PLK3: variants seen among roughly 807,000 people sequenced by gnomAD.
PLK3 encodes the protein polo like kinase 3.
PLK3 carries 41 observed loss-of-function variants against 71.6 expected under a neutral mutation model. The ratio of observed to expected loss-of-function variants is 0.57; its 90% confidence interval spans 0.45 to 0.74. The LOEUF (loss-of-function observed/expected upper bound fraction) is 0.74, where lower values mean the gene tolerates loss of function less well. Among genes scored for constraint, PLK3 ranks in the 30% least tolerant of loss-of-function variants. PLK3 has a pLI of 0.00. For missense variants in PLK3, 791 were observed against 875.6 expected (o/e 0.90, Z 1.22); for synonymous variants, 366 against 355.4 (o/e 1.03, Z -0.33).
Position 44,803,820 on chromosome 1 carries a change from C to T in PLK3, c.1165-111C>T. On this transcript the variant is annotated intron_variant, in intron 9 of 14. Transcript: ENST00000372201. The surrounding 1 kb of genome is among the most constrained non-coding windows in gnomAD (Gnocchi z 4.3). ...GCCTAATTGGCTGTGTGTCACCAGC[C>T]TGGCGGGGCTGACCTGGGGTGCCCT... 1.8e-6 allele frequency: 2 copies of T among 1,124,056 alleles called. No individual in the cohort carries two copies. Among genetic ancestry groups the T allele is most frequent in the Non-Finnish European group, 2.6e-6 (2 of 762,930 alleles). 69.6% of individuals were successfully genotyped at this position (1,124,056 alleles called of 1,614,324 possible).
In PLK3 at chr1:44,801,675, C is replaced by T. The variant is rs1362005001; in HGVS notation, c.489C>T (p.Arg163=). ...ACACCCTGTTGGAGCCAGAAGTGCG[C>T]TACTACCTGCGGCAGATCCTTTCTG... ...ARHTLLEPEV[R]YYLRQILSGL... Residue 163 remains arginine (R), a synonymous_variant, in exon 4 of 15, where the codon CGC becomes CGT. Transcript: ENST00000372201. 3 of 1,613,722 alleles carry T rather than the reference C, an allele frequency of 1.9e-6. No individual in the cohort carries two copies. The Admixed American group carries it at 5.0e-5, about 27-fold the overall frequency.
intron 13 of PLK3, 42 bp from the exon 14 acceptor site, chr1:44,805,224 G>C (rs896749816): frequency 2.1e-5 from 28 of 1,331,910 alleles, no homozygotes; most frequent in Admixed American, 5.0e-5. Context: ...GGAGGGGGCT[G>C]TCTCACGCTG....
rs758282351 is a variant in PLK3 at position 44,801,856 on chromosome 1, A to G, written c.577A>G (p.Ile193Val). The change falls in exon 5 of 15, where the codon ATC becomes GTC. Residue 193 changes from isoleucine to valine, a missense_variant. Coordinates refer to ENST00000372201, the MANE Select transcript of PLK3 (RefSeq NM_004073.4). ...CTTGCCCCATCTAGGAAATTTTTTCATCACTGAGAACATGGAACTGAAGGT... is the reference window on the plus strand; with the variant it reads ...CTTGCCCCATCTAGGAAATTTTTTCGTCACTGAGAACATGGAACTGAAGGT... ...HRDLKLGNFFITENMELKVGD... is the reference protein window; with the variant it reads ...HRDLKLGNFFVTENMELKVGD... 7 of 1,613,486 alleles carry G rather than the reference A, an allele frequency of 4.3e-6. No individual in the cohort carries two copies. In the Admixed American group the frequency reaches 5.0e-5, roughly 12 times the overall value.
Position 44,805,801 on chromosome 1 carries a change from C to G in PLK3, c.*123C>G. On this transcript the variant is annotated 3_prime_UTR_variant, in exon 15 of 15. Transcript: ENST00000372201. The stretch of plus-strand genomic sequence containing the variant: ...GCCGAATCCCCCAGGGAATCAGGGA[C>G]CAGCTTTACTGGAGTTGGGGGCGGC... 1 of 1,311,454 alleles carries G rather than the reference C, an allele frequency of 7.6e-7. No homozygotes were observed. Among genetic ancestry groups the G allele is most frequent in the Non-Finnish European group, 1.0e-6 (1 of 972,186 alleles). The allele number at this position is 1,311,454 out of a possible 1,614,324, so 81.2% of individuals were successfully genotyped here.
In PLK3 at chr1:44,803,094, G is replaced by T. The variant is rs770423448; in HGVS notation, c.889G>T (p.Ala297Ser). Residue 297 changes from alanine to serine, a missense_variant, in exon 7 of 15, where the codon GCC becomes TCC. Transcript: ENST00000372201. The surrounding 1 kb of genome is among the most constrained non-coding windows in gnomAD (Gnocchi z 4.3). ...GCAGCTCCTGGCCGCCATCCTTCGG[G>T]CCTCACCCCGAGACCGCCCCTCTAT... ...ARQLLAAILR[A>S]SPRDRPSIDQ... The T allele has an allele frequency of 6.2e-7, 1 of 1,613,856 alleles. No individual in the cohort carries two copies. Among genetic ancestry groups the T allele is most frequent in the Non-Finnish European group, 8.5e-7 (1 of 1,180,012 alleles).
rs1196463540 is a variant in PLK3 at position 44,802,749 on chromosome 1, C to T, written c.654-11C>T. The T allele has an allele frequency of 1.9e-6, 3 of 1,602,194 alleles. No homozygotes were observed. The East Asian group carries it at 6.7e-5, about 36-fold the overall frequency. ...TCTCAGCCTTCTCTCCTCCTCCCCACCCTCTTTCAGGACCATCTGTGGCAC... is the reference window on the plus strand; with the variant it reads ...TCTCAGCCTTCTCTCCTCCTCCCCATCCTCTTTCAGGACCATCTGTGGCAC... On this transcript the variant is annotated splice_polypyrimidine_tract_variant and intron_variant, in intron 5 of 14. Coordinates refer to ENST00000372201, the MANE Select transcript of PLK3 (RefSeq NM_004073.4).
intron 5 of PLK3, 47 bp downstream of exon 5, chr1:44,801,979 G>T (rs1260836560): frequency 7.3e-7 from 1 of 1,369,208 alleles, no homozygotes; most frequent in Non-Finnish European, 1.0e-6. Flanking sequence ...GATGACATGC[G>T]TGATAGACAG....
chr1:44,805,745 C>T lies in PLK3; in HGVS notation c.*67C>T. On this transcript the variant is annotated 3_prime_UTR_variant, in exon 15 of 15. Transcript: ENST00000372201. ...TGGCCCTTGCCTTTGTGGCCTTCCCCCTTCCTTTGGTGCCTCACTGGGGGC... is the reference window on the plus strand; with the variant it reads ...TGGCCCTTGCCTTTGTGGCCTTCCCTCTTCCTTTGGTGCCTCACTGGGGGC... 1.3e-6 allele frequency: 2 copies of T among 1,518,214 alleles called. No homozygotes were observed. Among genetic ancestry groups the T allele is most frequent in the South Asian group, 2.3e-5 (2 of 86,996 alleles). 94.0% of individuals were successfully genotyped at this position (1,518,214 alleles called of 1,614,324 possible). A position where few individuals can be genotyped will look rare whatever the true frequency, so the allele number is the denominator to read the frequency against.
At position 44,801,842 on chromosome 1, in the gene PLK3, T is replaced by C. The variant is rs1255385528; in HGVS notation, c.566-3T>C. Reference sequence around the variant, plus strand: ...TCTGACACACCTCTCTTGCCCCATCTAGGAAATTTTTTCATCACTGAGAAC... The same window carrying C: ...TCTGACACACCTCTCTTGCCCCATCCAGGAAATTTTTTCATCACTGAGAAC... On this transcript the variant is annotated splice_polypyrimidine_tract_variant and splice_region_variant and intron_variant, in intron 4 of 14. Coordinates refer to ENST00000372201, the MANE Select transcript of PLK3 (RefSeq NM_004073.4). The C allele has an allele frequency of 6.2e-7, 1 of 1,613,106 alleles. No individual in the cohort carries two copies. The highest frequency in any genetic ancestry group is 8.5e-7 in the Non-Finnish European group (1 of 1,179,450).
At position 44,800,842 on chromosome 1, in the gene PLK3, G is replaced by T; in HGVS notation, c.213G>T (p.Gly71=). The T allele has an allele frequency of 6.2e-7, 1 of 1,608,890 alleles. No individual in the cohort carries two copies. The highest frequency in any genetic ancestry group is 1.1e-5 in the South Asian group (1 of 90,746). ...TYLKGRLLGK[G]GFARCYEATD... ...AGCCTGATGCCCCCTCTTCACAGGGGGGCTTCGCCCGCTGCTACGAGGCCA... is the reference window on the plus strand; with the variant it reads ...AGCCTGATGCCCCCTCTTCACAGGGTGGCTTCGCCCGCTGCTACGAGGCCA... Residue 71 remains glycine, a splice_region_variant and synonymous_variant, in exon 2 of 15, where the codon GGG becomes GGT. Coordinates refer to ENST00000372201, the MANE Select transcript of PLK3 (RefSeq NM_004073.4). This position sits in a 1 kb window ranked among gnomAD's most constrained non-coding sequence, Gnocchi z 6.5.
rs2148854378 is a variant in PLK3, at chr1:44,800,444, C to A, written c.-20C>A. ...GGGCGGAACCGAGAAGCCGGGACCG[C>A]GCTGCGACGCGCCGGCCGCATGGAG... On this transcript the variant is annotated 5_prime_UTR_variant, in exon 1 of 15. Transcript: ENST00000372201. The surrounding 1 kb of genome is among the most constrained non-coding windows in gnomAD (Gnocchi z 6.5). 2 of 1,340,458 alleles carry A rather than the reference C, an allele frequency of 1.5e-6. No individual in the cohort carries two copies. Among genetic ancestry groups the A allele is most frequent in the South Asian group, 1.8e-5 (1 of 54,612 alleles). 83.0% of individuals were successfully genotyped at this position (1,340,458 alleles called of 1,614,324 possible). A position where few individuals can be genotyped will look rare whatever the true frequency, so the allele number is the denominator to read the frequency against.
At position 44,800,600 on chromosome 1, in the gene PLK3, C is replaced by T. The variant is rs773595141; in HGVS notation, c.137C>T (p.Thr46Met). The part of the protein sequence containing the change: ...PELEMLAGLP[T>M]SDPGRLITDP... ...CTGGAGATGCTGGCCGGGCTACCGA[C>T]GTCAGACCCCGGGCGCCTCATCACG... The change falls in exon 1 of 15, where the codon ACG becomes ATG. Residue 46 changes from threonine to methionine, a missense_variant. Physicochemically the swap from Thr to Met is moderately conservative, Grantham distance 81. Transcript: ENST00000372201. This position sits in a 1 kb window ranked among gnomAD's most constrained non-coding sequence, Gnocchi z 6.5. The T allele has an allele frequency of 1.3e-5, 20 of 1,539,040 alleles. No homozygotes were observed. The South Asian group carries it at 2.4e-4, about 18-fold the overall frequency.
Position 44,803,704 on chromosome 1 carries a change from G to A in PLK3, c.1164+13G>A. 1 of 1,592,194 alleles carries A rather than the reference G, an allele frequency of 6.3e-7. No individual in the cohort carries two copies. The highest frequency in any genetic ancestry group is 1.3e-5 in the African/African-American group (1 of 74,528). ...TGCCAGGCCAGAGGTGAGGCGCTCA[G>A]GTGGACACTGTTCCCCTGACTCACC... is the stretch of plus-strand genomic sequence containing the variant. On this transcript the variant is annotated intron_variant, in intron 9 of 14. Transcript: ENST00000372201. This position sits in a 1 kb window ranked among gnomAD's most constrained non-coding sequence, Gnocchi z 4.3.
Position 44,805,534 on chromosome 1 carries a change from G to A in PLK3, c.1797G>A (p.Glu599=). Residue 599 remains glutamate, a synonymous_variant, in exon 15 of 15, where the codon GAG becomes GAA. Coordinates refer to ENST00000372201, the MANE Select transcript of PLK3 (RefSeq NM_004073.4). ...CCAAGCTGATTCTCAGTGGCTGGGA[G>A]CCCCTCCTTGTGACTTTTGTGGCCC... The part of the protein sequence containing the change: ...DHTKLILSGW[E]PLLVTFVARN... 6.2e-7 allele frequency: 1 copy of A among 1,614,218 alleles called. No homozygotes were observed. Among genetic ancestry groups the A allele is most frequent in the East Asian group, 2.2e-5 (1 of 44,882 alleles).
rs1651780789 is a variant in PLK3 at position 44,800,393 on chromosome 1, A to C, written c.-71A>C. On this transcript the variant is annotated 5_prime_UTR_variant, in exon 1 of 15. Coordinates refer to ENST00000372201, the MANE Select transcript of PLK3 (RefSeq NM_004073.4). This position sits in a 1 kb window ranked among gnomAD's most constrained non-coding sequence, Gnocchi z 6.5. ...GGCGCCAGCGCAGCGTAGCAAATCCAGGCAGCGCCACGCGCGGCCGGGGCC... is the reference window on the plus strand; with the variant it reads ...GGCGCCAGCGCAGCGTAGCAAATCCCGGCAGCGCCACGCGCGGCCGGGGCC... 14 of 1,234,240 alleles carry C rather than the reference A, an allele frequency of 1.1e-5. No individual in the cohort carries two copies. In the South Asian group the frequency reaches 3.7e-4, roughly 32 times the overall value. 76.5% of individuals were successfully genotyped at this position (1,234,240 alleles called of 1,614,324 possible). A position where few individuals can be genotyped will look rare whatever the true frequency, so the allele number is the denominator to read the frequency against.
chr1:44,805,396 G>C lies in PLK3; in HGVS notation c.1749+17G>C. On this transcript the variant is annotated intron_variant, in intron 14 of 14. Coordinates refer to ENST00000372201, the MANE Select transcript of PLK3 (RefSeq NM_004073.4). ...ACTGTCCAGGTAAGAGCCTATCCAG[G>C]AGTTGCGGGAAGGTCTGGGAGGCCC... 1 of 1,610,442 alleles carries C rather than the reference G, an allele frequency of 6.2e-7. No individual in the cohort carries two copies. Among genetic ancestry groups the C allele is most frequent in the Non-Finnish European group, 8.5e-7 (1 of 1,176,590 alleles).
rs1321233817 is a variant in PLK3 at position 44,803,381 on chromosome 1, AAAG to A, written c.1070_1072del (p.Lys357del). Reference sequence around the variant, plus strand: ...AAGTTACCAAGAGCCTCTTTGGCAGAAAGAAGAAGAGTGAGTCTGGGGTGTCAG... The same window carrying A: ...AAGTTACCAAGAGCCTCTTTGGCAGAAAGAAGAGTGAGTCTGGGGTGTCAG... On this transcript the variant is annotated inframe_deletion, in exon 8 of 15. Coordinates refer to ENST00000372201, the MANE Select transcript of PLK3 (RefSeq NM_004073.4). This position sits in a 1 kb window ranked among gnomAD's most constrained non-coding sequence, Gnocchi z 4.3. The A allele has an allele frequency of 5.6e-6, 9 of 1,614,046 alleles. No individual in the cohort carries two copies. The highest frequency in any genetic ancestry group is 4.4e-5 in the South Asian group (4 of 91,082).
Position 44,805,357 on chromosome 1 carries a change from T to C in PLK3, c.1727T>C (p.Leu576Pro). Reference protein sequence around the residue: ...WVKTDQALLMLFSDGTVQVNF... With the variant: ...WVKTDQALLMPFSDGTVQVNF... ...AAGACGGATCAGGCTCTCCTCATGCTGTTTAGTGATGGCACTGTCCAGGTA... is the reference window on the plus strand; with the variant it reads ...AAGACGGATCAGGCTCTCCTCATGCCGTTTAGTGATGGCACTGTCCAGGTA... The change falls in exon 14 of 15, where the codon CTG becomes CCG. Residue 576 changes from leucine (L) to proline (P), a missense_variant. By Grantham distance (98) the Leu-to-Pro change is moderately conservative. Transcript: ENST00000372201. 3 of 1,613,852 alleles carry C rather than the reference T, an allele frequency of 1.9e-6. No homozygotes were observed. The highest frequency in any genetic ancestry group is 2.5e-6 in the Non-Finnish European group (3 of 1,179,730).
In PLK3 at chr1:44,803,826, G is replaced by A; in HGVS notation, c.1165-105G>A. The A allele has an allele frequency of 1.8e-6, 2 of 1,126,380 alleles. No homozygotes were observed. Among genetic ancestry groups the A allele is most frequent in the South Asian group, 1.4e-5 (1 of 73,966 alleles). The allele number at this position is 1,126,380 out of a possible 1,614,324, so 69.8% of individuals were successfully genotyped here. ...TTGGCTGTGTGTCACCAGCCTGGCG[G>A]GGCTGACCTGGGGTGCCCTGGGAGC... On this transcript the variant is annotated intron_variant, in intron 9 of 14. Coordinates refer to ENST00000372201, the MANE Select transcript of PLK3 (RefSeq NM_004073.4). The surrounding 1 kb of genome is among the most constrained non-coding windows in gnomAD (Gnocchi z 4.3).
Sources: gnomAD v4.1 joint callset for allele counts on GRCh38, gnomAD v4.1.1 for gene constraint, Gnocchi (gnomAD v3.1) non-coding constraint, MANE v1.5 for transcripts, NCBI Gene and HGNC (gene_info 2026-07-23, HGNC 2026-07-21) for gene names.